Variants in CACNA1S observed in about 807,000 individuals in gnomAD.
CACNA1S encodes the protein calcium voltage-gated channel subunit alpha1 S, also known as voltage-dependent L-type calcium channel subunit alpha-1S.
A neutral mutation model predicts 207.4 loss-of-function variants in CACNA1S; 126 were observed. The ratio of observed to expected loss-of-function variants is 0.61; its 90% CI spans 0.53 to 0.70. CACNA1S has a LOEUF of 0.70. Ranked by LOEUF, CACNA1S falls within the 30% of genes least tolerant of loss-of-function variation. The probability of loss-of-function intolerance (pLI) is 0.00; values close to 1 mark genes in which losing one functional copy is unlikely to be tolerated. For missense variants in CACNA1S, 2,349 were observed against 2,422.8 expected, an observed-to-expected ratio of 0.97 and a Z score of 0.64; for synonymous variants, 960 against 932.7, an observed-to-expected ratio of 1.03 and a Z score of -0.53.
intron 2 of CACNA1S, among the ~76,000 whole-genome samples, chr1:201,104,421 G>A (rs533370811): frequency 1.4e-4 from 21 of 152,304 alleles, no homozygotes; most frequent in African/African-American, 5.1e-4. Context: ...TCACTATTCT[G>A]TCCTCTAGAG....
At chr1:201,079,695 T>C (rs1661772539) in intron 10 of CACNA1S, among the ~76,000 whole-genome samples, 1 of 152,118 alleles carries the variant, frequency 6.6e-6, no homozygotes, top group Admixed American at 6.6e-5. Context: ...ATAAAGGTAA[T>C]AGGTGTTGCC....
At chr1:201,044,541 C>T in intron 38 of CACNA1S, 85 bp from the exon 39 acceptor site, 2 of 1,504,116 alleles carry the variant, frequency 1.3e-6, no homozygotes, top group East Asian at 2.4e-5. Context: ...GACAGAGTCT[C>T]ACTCTGTTGC....
In CACNA1S at chr1:201,106,118, G is replaced by A. The variant is rs527522026; in HGVS notation, c.258+4046C>T. ...GGTAAGTGATACTGCCATCTGCTCTGTCCACTTCTGACCCCCAAGTGTCAT... is the reference window on the plus strand; with the variant it reads ...GGTAAGTGATACTGCCATCTGCTCTATCCACTTCTGACCCCCAAGTGTCAT... On this transcript the variant is annotated intron_variant, in intron 2 of 43. Coordinates refer to ENST00000362061, the MANE Select transcript of CACNA1S (RefSeq NM_000069.3). Among the ~76,000 whole-genome samples the A allele has an allele frequency of 7.9e-5, 12 of 151,732 alleles. No homozygotes were observed. In the East Asian group the frequency reaches 1.9e-3, roughly 25 times the overall value.
rs1391203419 is a variant in CACNA1S at position 201,066,937 on chromosome 1, G to A, written c.2607C>T (p.Asn869=). ...CGGCCACCACCAGCAGGTCCAGCATGTTGAAGTAATTGCGGCAGAAGGAAC... is the reference window on the plus strand; with the variant it reads ...CGGCCACCACCAGCAGGTCCAGCATATTGAAGTAATTGCGGCAGAAGGAAC... ...HKGSFCRNYF[N]MLDLLVVAVS... is the part of the protein sequence containing the mutation. Residue 869 remains asparagine, a synonymous_variant, in exon 20 of 44, where the codon AAC becomes AAT. Transcript: ENST00000362061. This position sits in a 1 kb window ranked among gnomAD's most constrained non-coding sequence, Gnocchi z 4.3. 1 of 1,614,112 alleles carries A rather than the reference G, an allele frequency of 6.2e-7. No individual in the cohort carries two copies. The highest frequency in any genetic ancestry group is 2.2e-5 in the East Asian group (1 of 44,896).
chr1:201,081,056 G>A (rs1055516101), intron 10 of CACNA1S, among the ~76,000 whole-genome samples: 1 of 152,166 alleles, frequency 6.6e-6, no homozygotes, highest in African/African-American at 2.4e-5. Flanking sequence ...AAACTTCCAA[G>A]CTCATTTCCT....
chr1:201,081,284 G>A (rs1013538276), intron 10 of CACNA1S, among the ~76,000 whole-genome samples: 1 of 152,192 alleles, frequency 6.6e-6, no homozygotes, highest in South Asian at 2.1e-4. Context: ...CTCTGGCTTT[G>A]GGTCACTTCT....
chr1:201,073,500 T>C, intron 15 of CACNA1S, 49 bp downstream of exon 15: 1 of 1,434,114 alleles, frequency 7.0e-7, no homozygotes, highest in South Asian at 1.1e-5. Context: ...GAACCATGGA[T>C]TGGAAGAGCC....
chr1:201,082,929 C>T (rs146018401), intron 10 of CACNA1S, among the ~76,000 whole-genome samples: 4 of 152,284 alleles, frequency 2.6e-5, no homozygotes, highest in African/African-American at 9.6e-5. Flanking sequence ...AGTAACAAAG[C>T]CATGAAGAGG....
chr1:201,082,331 G>T (rs1168640873), intron 10 of CACNA1S, among the ~76,000 whole-genome samples: 1 of 135,354 alleles, frequency 7.4e-6, no homozygotes, highest in East Asian at 5.1e-4. Flanking sequence ...CCGGCCTCAG[G>T]TATTTTTTTT....
At position 201,053,941 on chromosome 1, in the gene CACNA1S, G is replaced by A. The variant is rs1278310159; in HGVS notation, c.3667-354C>T. On this transcript the variant is annotated intron_variant, in intron 29 of 43. Coordinates refer to ENST00000362061, the MANE Select transcript of CACNA1S (RefSeq NM_000069.3). This position sits in a 1 kb window ranked among gnomAD's most constrained non-coding sequence, Gnocchi z 5.1. ...CACAATCTCCTCAAGCTGCCACTGA[G>A]TCGAGGACCCTGGTGGCCCTCCTAG... Among the ~76,000 whole-genome samples the A allele has an allele frequency of 6.6e-6, 1 of 152,164 alleles. No homozygotes were observed. The highest frequency in any genetic ancestry group is 1.5e-5 in the Non-Finnish European group (1 of 68,008).
At position 201,043,517 on chromosome 1, in the gene CACNA1S, C is replaced by T; in HGVS notation, c.4812G>A (p.Leu1604=). 2 of 1,613,950 alleles carry T rather than the reference C, an allele frequency of 1.2e-6. No individual in the cohort carries two copies. Among genetic ancestry groups the T allele is most frequent in the South Asian group, 1.1e-5 (1 of 91,072 alleles). The change falls in exon 40 of 44, where the codon CTG becomes CTA. Residue 1604 remains leucine (L), a synonymous_variant. Coordinates refer to ENST00000362061, the MANE Select transcript of CACNA1S (RefSeq NM_000069.3). ...CCAGGAAGTTGTCCACCTGGCCAAA[C>T]AGGCCTCCAGTCCTCTAGGGGCAAG... ...EEGIFRRTGG[L]FGQVDNFLER... is the part of the protein sequence containing the mutation.
Position 201,047,232 on chromosome 1 carries a change from C to T in CACNA1S, c.4551G>A (p.Glu1517=). The T allele has an allele frequency of 1.2e-6, 2 of 1,614,208 alleles. No homozygotes were observed. The highest frequency in any genetic ancestry group is 1.7e-6 in the Non-Finnish European group (2 of 1,180,024). The change falls in exon 38 of 44, where the codon GAG becomes GAA. Residue 1517 remains glutamate, a synonymous_variant. Coordinates refer to ENST00000362061, the MANE Select transcript of CACNA1S (RefSeq NM_000069.3). ...TGGCGTAGAACTTCCCCACTGTCAC[C>T]TCATCATCTGCAGAGGAGCCAACAA... is the stretch of plus-strand genomic sequence containing the variant. ...DQVIPPIGDD[E]VTVGKFYATF... is the part of the protein sequence containing the mutation.
chr1:201,065,826 G>A lies in CACNA1S; in HGVS notation c.2853+12C>T. On this transcript the variant is annotated intron_variant, in intron 22 of 43. Coordinates refer to ENST00000362061, the MANE Select transcript of CACNA1S (RefSeq NM_000069.3). ...GCGGGAGGGGGAGCTGCTCGCGCAG[G>A]CTGGGGCTCACCTTGAAGAGCTGGA... 4.4e-6 allele frequency: 7 copies of A among 1,600,940 alleles called. No homozygotes were observed. Among genetic ancestry groups the A allele is most frequent in the Non-Finnish European group, 6.0e-6 (7 of 1,168,050 alleles).
At chr1:201,068,741 A>AG (rs1661345277) in intron 19 of CACNA1S, among the ~76,000 whole-genome samples, 1 of 149,982 alleles carries the variant, frequency 6.7e-6, no homozygotes, top group Non-Finnish European at 1.5e-5. Flanking sequence ...GTGTGGTGGC[A>AG]GACGCCTGTA....
At chr1:201,090,736 A>G (rs1190853144) in intron 5 of CACNA1S, among the ~76,000 whole-genome samples, 1 of 152,136 alleles carries the variant, frequency 6.6e-6, no homozygotes, top group African/African-American at 2.4e-5. Flanking sequence ...TCTCTCAACA[A>G]TGTAGACTGG....
chr1:201,050,124 G>C (rs1660602600), intron 34 of CACNA1S, among the ~76,000 whole-genome samples: 2 of 152,134 alleles, frequency 1.3e-5, no homozygotes. Context: ...TGTCTGGTGA[G>C]GTATATAGCT....
chr1:201,068,031 C>T (rs1661309610), intron 19 of CACNA1S, among the ~76,000 whole-genome samples: 1 of 152,066 alleles, frequency 6.6e-6, no homozygotes, highest in Admixed American at 6.6e-5. Flanking sequence ...ATGGCTGGAA[C>T]CCCGTGCATC....
chr1:201,045,975 A>G (rs528580944), intron 38 of CACNA1S, among the ~76,000 whole-genome samples: 1 of 148,160 alleles, frequency 6.7e-6, no homozygotes, highest in African/African-American at 2.6e-5. Context: ...TTTTAAAAGT[A>G]TGAGATTATT....
At position 201,084,960 on chromosome 1, in the gene CACNA1S, T is replaced by C. The variant is rs1661977301; in HGVS notation, c.1222A>G (p.Ile408Val). The C allele has an allele frequency of 6.2e-7, 1 of 1,612,206 alleles. No individual in the cohort carries two copies. Among genetic ancestry groups the C allele is most frequent in the South Asian group, 1.1e-5 (1 of 91,054 alleles). ...TGGGCAGATACTCACATGAACTGGA[T>C]GATTTTGTTCAAGCCTGCAATTTCA... ...LYEIAGLNKI[I>V]QFIRHWRQWN... The change falls in exon 9 of 44, where the codon ATC becomes GTC. Residue 408 changes from isoleucine to valine, a missense_variant. Coordinates refer to ENST00000362061, the MANE Select transcript of CACNA1S (RefSeq NM_000069.3).
Sources: allele counts gnomAD v4.1 joint callset (sites outside exome capture counted in the v4.1 genomes callset), GRCh38; gene constraint gnomAD v4.1.1; non-coding constraint Gnocchi (gnomAD v3.1); transcripts MANE v1.5; gene names NCBI Gene and HGNC (gene_info 2026-07-23, HGNC 2026-07-21).